Variants in RNLS observed in about 807,000 individuals in gnomAD.
RNLS encodes the protein renalase.
RNLS carries 39 observed loss-of-function variants against 39.8 expected under a neutral mutation model. The observed-to-expected ratio is 0.98, with a 90% confidence interval of 0.76 to 1.28. The LOEUF (loss-of-function observed/expected upper bound fraction) is 1.28, where lower values mean the gene tolerates loss of function less well. Among genes scored for constraint, RNLS ranks in the 50% most tolerant of loss-of-function variants. The pLI is 0.00. For missense variants in RNLS, 410 were observed against 413.3 expected, an observed-to-expected ratio of 0.99 and a Z score of 0.07; for synonymous variants, 147 against 150.7, an observed-to-expected ratio of 0.98 and a Z score of 0.18.
chr10:88,570,793 G>A (rs897031269), intron 4 of RNLS, among the ~76,000 whole-genome samples: 4 of 152,084 alleles, frequency 2.6e-5, no homozygotes, highest in African/African-American at 9.7e-5. Flanking sequence ...CTTGTTCCAC[G>A]GGGTTGGGGA....
At chr10:88,405,939 A>G (rs1853235422) in intron 4 of RNLS, among the ~76,000 whole-genome samples, 1 of 152,204 alleles carries the variant, frequency 6.6e-6, no homozygotes, top group East Asian at 1.9e-4. Context: ...TTATCTCAGC[A>G]TTTGCTTGTC....
the RNLS span, among the ~76,000 whole-genome samples, chr10:88,256,489 C>G: frequency 6.6e-6 from 1 of 152,210 alleles, no homozygotes; most frequent in Non-Finnish European, 1.5e-5. Context: ...GGAACTCGGC[C>G]TGAAAACCTT....
chr10:88,206,945 G>A, the RNLS span, among the ~76,000 whole-genome samples: 1 of 152,116 alleles, frequency 6.6e-6, no homozygotes, highest in Admixed American at 6.6e-5. Context: ...GGATACATGG[G>A]ACAATTCTAC....
At chr10:88,197,615 T>A in the RNLS span, among the ~76,000 whole-genome samples, 9 of 152,180 alleles carry the variant, frequency 5.9e-5, no homozygotes, top group Non-Finnish European at 1.5e-5. Context: ...CCCAATGACA[T>A]GGATTGAATT....
At chr10:88,257,163 A>C in the RNLS span, among the ~76,000 whole-genome samples, 3 of 152,078 alleles carry the variant, frequency 2.0e-5, no homozygotes, top group Non-Finnish European at 4.4e-5. Flanking sequence ...TTCTTTATTT[A>C]CTCAACGGAG....
rs1189677398 is a variant in RNLS, at chr10:88,327,801, C to T, written c.701-13160G>A. Among the ~76,000 whole-genome samples the T allele has an allele frequency of 2.6e-5, 4 of 152,200 alleles. No homozygotes were observed. The East Asian group carries it at 7.7e-4, about 29-fold the overall frequency. On this transcript the variant is annotated intron_variant, in intron 5 of 6. Coordinates refer to ENST00000331772, the MANE Select transcript of RNLS (RefSeq NM_001031709.3). ...GTATTTTAGTAGAGACGGAGTTTCACCATGTTGCCCAGGCTGGTCTCAAAC... is the reference window on the plus strand; with the variant it reads ...GTATTTTAGTAGAGACGGAGTTTCATCATGTTGCCCAGGCTGGTCTCAAAC...
At chr10:88,575,800 G>A (rs987800193) in intron 3 of RNLS, among the ~76,000 whole-genome samples, 4 of 110,176 alleles carry the variant, frequency 3.6e-5, no homozygotes, top group Non-Finnish European at 5.6e-5. Context: ...GCTTCCCATC[G>A]CACTTAGAGT....
chr10:88,526,055 A>G (rs1386864383), intron 4 of RNLS, among the ~76,000 whole-genome samples: 2 of 152,064 alleles, frequency 1.3e-5, no homozygotes, highest in South Asian at 4.1e-4. Flanking sequence ...CAAAGCTGCA[A>G]CTTAACTCTT....
intron 4 of RNLS, among the ~76,000 whole-genome samples, chr10:88,407,400 C>T (rs1177934879): frequency 1.3e-5 from 2 of 151,454 alleles, no homozygotes; most frequent in East Asian, 3.9e-4. Context: ...CTCTTAGATT[C>T]CTTTATGATG....
chr10:88,578,312 T>A (rs1850328661), intron 3 of RNLS, among the ~76,000 whole-genome samples: 1 of 152,058 alleles, frequency 6.6e-6, no homozygotes, highest in African/African-American at 2.4e-5. Context: ...TTTCCTAATA[T>A]TACATGAACA....
the RNLS span, among the ~76,000 whole-genome samples, chr10:88,256,253 G>C: frequency 6.6e-6 from 1 of 152,158 alleles, no homozygotes; most frequent in Non-Finnish European, 1.5e-5. Context: ...ATGTGTCATA[G>C]ATGAAATTAC....
rs1554927072 is a variant in RNLS at position 88,548,289 on chromosome 10, A to AAAAAAAAAAAAAAAG, written c.526+24613_526+24614insCTTTTTTTTTTTTTT. On this transcript the variant is annotated intron_variant, in intron 4 of 6. Transcript: ENST00000331772. ...AAAAAAAAAAAAAAAAAAAAAAAAA[A>AAAAAAAAAAAAAAAG]AAAAGAAAAGAAAAAAGAAAATAAA... 8.9e-4 allele frequency among the ~76,000 whole-genome samples: 71 copies of AAAAAAAAAAAAAAAG among 80,188 alleles called. 1 individual carries two copies. The highest frequency in any genetic ancestry group is 2.1e-3 in the African/African-American group (32 of 15,152). 52.6% of individuals were successfully genotyped at this position (80,188 alleles called of 152,430 possible). A position where few individuals can be genotyped will look rare whatever the true frequency, so the allele number is the denominator to read the frequency against.
chr10:88,244,802 AG>A, the RNLS span, among the ~76,000 whole-genome samples: 2 of 151,706 alleles, frequency 1.3e-5, no homozygotes, highest in South Asian at 4.1e-4. Flanking sequence ...GTTTATTTTG[AG>A]GACAAGCCCA....
At chr10:88,231,919 A>G in the RNLS span, among the ~76,000 whole-genome samples, 88 of 139,592 alleles carry the variant, frequency 6.3e-4, no homozygotes, top group Admixed American at 2.5e-3. Context: ...GGGTACAGAA[A>G]CTCAAAAGAT....
intron 4 of RNLS, among the ~76,000 whole-genome samples, chr10:88,377,279 T>G (rs1851088770): frequency 6.6e-6 from 1 of 151,984 alleles, no homozygotes; most frequent in Admixed American, 6.6e-5. Flanking sequence ...CTTATTGTTA[T>G]TTTCTTCTCA....
chr10:88,187,196 AAT>A, the RNLS span, among the ~76,000 whole-genome samples: 118 of 7,576 alleles, frequency 0.016, 9 homozygotes, highest in African/African-American at 0.067. Flanking sequence ...TAATATATAT[AAT>A]ATATATATAA....
At chr10:88,239,865 GA>G in the RNLS span, among the ~76,000 whole-genome samples, 2 of 152,232 alleles carry the variant, frequency 1.3e-5, no homozygotes, top group Non-Finnish European at 2.9e-5. Context: ...CCAACAAGAG[GA>G]AGAAGAAAAG....
intron 4 of RNLS, among the ~76,000 whole-genome samples, chr10:88,436,847 T>C (rs1469599031): frequency 6.6e-6 from 1 of 152,242 alleles, no homozygotes; most frequent in Non-Finnish European, 1.5e-5. Context: ...TTATTACCAT[T>C]AAGTGCCCAA....
At chr10:88,225,201 G>C in the RNLS span, among the ~76,000 whole-genome samples, 380 of 152,304 alleles carry the variant, frequency 2.5e-3, 1 homozygote, top group African/African-American at 8.8e-3. Flanking sequence ...CTCTTCACGA[G>C]TGTACACATA....
Sources: gnomAD v4.1 joint callset for allele counts (sites outside exome capture counted in the v4.1 genomes callset) on GRCh38, gnomAD v4.1.1 for gene constraint, MANE v1.5 for transcripts, NCBI Gene and HGNC (gene_info 2026-07-23, HGNC 2026-07-21) for gene names.